The following LRFN5 variants were observed in gnomAD, a reference collection of about 807,000 sequenced individuals.
The protein encoded by LRFN5 is leucine rich repeat and fibronectin type III domain containing 5, also known as leucine-rich repeat and fibronectin type-III domain-containing protein 5.
In LRFN5, 24 loss-of-function variants were observed where a neutral mutation model predicts 45.6. That is an observed-to-expected ratio of 0.53 (90% CI 0.38 to 0.74). The LOEUF is 0.74. LRFN5 is among the 30% of genes least tolerant of loss of function. The pLI is 0.00. For missense variants in LRFN5, 776 were observed against 861.5 expected, an observed-to-expected ratio of 0.90 and a Z score of 1.24; for synonymous variants, 340 against 313.8, an observed-to-expected ratio of 1.08 and a Z score of -0.88.
intron 2 of LRFN5, among the ~76,000 whole-genome samples, chr14:41,793,924 T>C (rs1887026046): frequency 6.6e-6 from 1 of 152,078 alleles, no homozygotes; most frequent in Admixed American, 6.6e-5. Context: ...TCTTTGAAAA[T>C]CTACTCTCCT....
intron 2 of LRFN5, among the ~76,000 whole-genome samples, chr14:41,824,885 C>T (rs1248269818): frequency 6.6e-6 from 1 of 152,136 alleles, no homozygotes. Flanking sequence ...GGGGACTGCA[C>T]TAGCTCCAAG....
In LRFN5 at chr14:41,608,092, A is replaced by T. The variant is rs761990431; in HGVS notation, c.-667A>T. 1 of 152,254 alleles carries T rather than the reference A, an allele frequency of 6.6e-6. No individual in the cohort carries two copies. Among genetic ancestry groups the T allele is most frequent in the East Asian group, 1.9e-4 (1 of 5,170 alleles). The allele number at this position is 152,254 out of a possible 1,614,324, so 9.4% of individuals were successfully genotyped here. On this transcript the variant is annotated 5_prime_UTR_variant, in exon 1 of 6. It removes an upstream start codon present in the reference 5' UTR. Coordinates refer to ENST00000298119, the MANE Select transcript of LRFN5 (RefSeq NM_152447.5). ...TTGAAGGAAACGTGATTAAAGGGCTATGCGAGAACGCTCTCTTTGCTGCCC... is the reference window on the plus strand; with the variant it reads ...TTGAAGGAAACGTGATTAAAGGGCTTTGCGAGAACGCTCTCTTTGCTGCCC...
chr14:41,761,434 T>C (rs1208584239), intron 1 of LRFN5, among the ~76,000 whole-genome samples: 2 of 152,158 alleles, frequency 1.3e-5, no homozygotes, highest in African/African-American at 4.8e-5. Flanking sequence ...TCTGTTTTAA[T>C]TGAAAAAAGA....
At chr14:41,684,364 G>A (rs186041574) in intron 1 of LRFN5, among the ~76,000 whole-genome samples, 1 of 152,226 alleles carries the variant, frequency 6.6e-6, no homozygotes, top group Admixed American at 6.5e-5. Flanking sequence ...AGCATGGCTG[G>A]GAAGTCCTCA....
At chr14:41,809,398 C>A (rs1262372200) in intron 2 of LRFN5, among the ~76,000 whole-genome samples, 4 of 151,316 alleles carry the variant, frequency 2.6e-5, no homozygotes, top group Non-Finnish European at 5.9e-5. Context: ...TTTTTTAATT[C>A]TTAATGCAAC....
At chr14:41,757,266 C>G (rs1050440466) in intron 1 of LRFN5, among the ~76,000 whole-genome samples, 1 of 152,120 alleles carries the variant, frequency 6.6e-6, no homozygotes, top group African/African-American at 2.4e-5. Context: ...CTGGGAGAAC[C>G]ACTACTCTCT....
At chr14:41,786,708 A>G (rs1238864215) in intron 2 of LRFN5, among the ~76,000 whole-genome samples, 1 of 151,524 alleles carries the variant, frequency 6.6e-6, no homozygotes, top group Non-Finnish European at 1.5e-5. Flanking sequence ...TTCTTCATGT[A>G]CGCTTTCATT....
intron 1 of LRFN5, among the ~76,000 whole-genome samples, chr14:41,644,026 G>A (rs79822711): frequency 0.034 from 5,170 of 152,210 alleles, 170 homozygotes; most frequent in African/African-American, 0.085. Context: ...ATAAACTACT[G>A]CTGTTGAAAG....
intron 2 of LRFN5, among the ~76,000 whole-genome samples, chr14:41,864,288 A>C (rs535264229): frequency 6.6e-6 from 1 of 152,128 alleles, no homozygotes; most frequent in African/African-American, 2.4e-5. Context: ...ACTCCCGCCA[A>C]CCGTGTCAAA....
At chr14:41,872,839 C>A (rs567841002) in intron 2 of LRFN5, among the ~76,000 whole-genome samples, 2 of 152,176 alleles carry the variant, frequency 1.3e-5, no homozygotes, top group East Asian at 1.9e-4. Context: ...ATATTAGAAA[C>A]GCAACTAGTA....
chr14:41,695,500 A>C (rs2138714095), intron 1 of LRFN5, among the ~76,000 whole-genome samples: 1 of 152,056 alleles, frequency 6.6e-6, no homozygotes, highest in East Asian at 1.9e-4. Context: ...AGTTTTTCAA[A>C]GAACAGGCTG....
At chr14:41,707,699 G>A (rs1245732520) in intron 1 of LRFN5, among the ~76,000 whole-genome samples, 1 of 151,966 alleles carries the variant, frequency 6.6e-6, no homozygotes, top group Admixed American at 6.6e-5. Flanking sequence ...GCAAACTAGA[G>A]CACATTGACG....
intron 1 of LRFN5, among the ~76,000 whole-genome samples, chr14:41,719,115 TA>T (rs759190826): frequency 1.4e-3 from 219 of 152,250 alleles, no homozygotes; most frequent in Non-Finnish European, 2.2e-3. Flanking sequence ...TGTCAGTCAT[TA>T]GAATCTTTGT....
At chr14:41,874,788 C>A (rs1389480059) in intron 2 of LRFN5, among the ~76,000 whole-genome samples, 1 of 152,190 alleles carries the variant, frequency 6.6e-6, no homozygotes, top group Non-Finnish European at 1.5e-5. Flanking sequence ...GTTTAATTGA[C>A]TCACAGTTTA....
chr14:41,753,552 A>G (rs1885233764), intron 1 of LRFN5, among the ~76,000 whole-genome samples: 1 of 151,990 alleles, frequency 6.6e-6, no homozygotes. Context: ...TTCACTCATG[A>G]TTTGGCTCTC....
rs1362402065 is a variant in LRFN5 at position 41,811,355 on chromosome 14, A to ATAT, written c.-21+44326_-21+44327insTAT. Among the ~76,000 whole-genome samples, 4 of 152,080 alleles carry ATAT rather than the reference A, an allele frequency of 2.6e-5. No individual in the cohort carries two copies. The East Asian group carries it at 7.7e-4, about 29-fold the overall frequency. On this transcript the variant is annotated intron_variant, in intron 2 of 5. Coordinates refer to ENST00000298119, the MANE Select transcript of LRFN5 (RefSeq NM_152447.5). ...AAATATTGAAGCTACTTTGGATAACAGTTGGTAGTTTCCCAAACTCTTAAA... is the reference window on the plus strand; with the variant it reads ...AAATATTGAAGCTACTTTGGATAACATATGTTGGTAGTTTCCCAAACTCTTAAA...
At chr14:41,818,161 A>T (rs1057175382) in intron 2 of LRFN5, among the ~76,000 whole-genome samples, 1 of 152,016 alleles carries the variant, frequency 6.6e-6, no homozygotes, top group African/African-American at 2.4e-5. Context: ...TCTGGGTCTT[A>T]GCCTTTTCCT....
chr14:41,757,707 G>C (rs1232047842), intron 1 of LRFN5, among the ~76,000 whole-genome samples: 2 of 152,176 alleles, frequency 1.3e-5, no homozygotes, highest in Non-Finnish European at 2.9e-5. Flanking sequence ...GCGCTTGCCA[G>C]GTGAGGCGAT....
intron 1 of LRFN5, among the ~76,000 whole-genome samples, chr14:41,624,947 A>C (rs1427474649): frequency 1.3e-5 from 2 of 150,472 alleles, no homozygotes; most frequent in Non-Finnish European, 3.0e-5. Context: ...AGAGTTGACT[A>C]TTTCCAGATA....
Sources: allele counts gnomAD v4.1 joint callset (sites outside exome capture counted in the v4.1 genomes callset), GRCh38; gene constraint gnomAD v4.1.1; transcripts MANE v1.5; gene names NCBI Gene and HGNC (gene_info 2026-07-23, HGNC 2026-07-21).